Variants in LMBR1 observed in about 807,000 individuals in gnomAD.
LMBR1 encodes limb development membrane protein 1, also known as limb region 1 protein homolog.
Under a neutral mutation model 73.9 loss-of-function variants are expected in LMBR1, and 52 were observed. The ratio of observed to expected loss-of-function variants is 0.70; its 90% CI spans 0.56 to 0.89. The LOEUF is 0.89. Ranked by LOEUF, LMBR1 falls within the 40% of genes least tolerant of loss-of-function variation. The pLI, the probability that LMBR1 is intolerant of heterozygous loss-of-function variation, is 0.00. For synonymous variants in LMBR1, 215 were observed against 209.4 expected, an observed-to-expected ratio of 1.03 and a Z score of -0.23; for missense variants, 539 against 579.8, an observed-to-expected ratio of 0.93 and a Z score of 0.72.
At chr7:156,799,458 G>A (rs1268803385) in intron 4 of LMBR1, among the ~76,000 whole-genome samples, 1 of 152,140 alleles carries the variant, frequency 6.6e-6, no homozygotes, top group Non-Finnish European at 1.5e-5. Context: ...ATGTTACTAT[G>A]TTAATTGTTT....
intron 15 of LMBR1, among the ~76,000 whole-genome samples, chr7:156,720,861 G>T (rs947674765): frequency 6.6e-6 from 1 of 151,934 alleles, no homozygotes; most frequent in Non-Finnish European, 1.5e-5. Flanking sequence ...CTAAGCCTCT[G>T]TGAAAGCATT....
chr7:156,892,870 G>T, intron 1 of LMBR1, 58 bp downstream of exon 1: 2 of 1,318,032 alleles, frequency 1.5e-6, no homozygotes, highest in South Asian at 1.6e-5. Context: ...CCGGGGGCGG[G>T]GACGGAGGGC....
chr7:156,735,834 T>C (rs1192024729), intron 9 of LMBR1, among the ~76,000 whole-genome samples: 1 of 152,200 alleles, frequency 6.6e-6, no homozygotes, highest in Non-Finnish European at 1.5e-5. Context: ...TTTCTTTTTC[T>C]CTTATCCAGC....
At chr7:156,750,136 T>C (rs906036842) in intron 9 of LMBR1, among the ~76,000 whole-genome samples, 1 of 152,208 alleles carries the variant, frequency 6.6e-6, no homozygotes, top group Non-Finnish European at 1.5e-5. Flanking sequence ...CCGGAGGTTT[T>C]GAACTTAAAC....
At chr7:156,816,209 T>C (rs76889134) in intron 4 of LMBR1, among the ~76,000 whole-genome samples, 2,351 of 152,270 alleles carry the variant, frequency 0.015, 52 homozygotes, top group African/African-American at 0.053. Flanking sequence ...CTTCCTTTTT[T>C]CTTTTCTCTT....
chr7:156,840,556 C>T (rs1460552652), intron 1 of LMBR1, among the ~76,000 whole-genome samples: 1 of 152,062 alleles, frequency 6.6e-6, no homozygotes, highest in Non-Finnish European at 1.5e-5. Context: ...GACTCAGGTA[C>T]TGTGTGTCGG....
At chr7:156,786,411 A>T (rs1224123609) in intron 5 of LMBR1, among the ~76,000 whole-genome samples, 3 of 152,206 alleles carry the variant, frequency 2.0e-5, no homozygotes, top group African/African-American at 7.2e-5. Context: ...GGTAAGGGTA[A>T]CGTTATTGTA....
At chr7:156,783,745 C>A (rs1424958130) in intron 5 of LMBR1, among the ~76,000 whole-genome samples, 1 of 152,142 alleles carries the variant, frequency 6.6e-6, no homozygotes, top group East Asian at 1.9e-4. Context: ...TTCATTAGGA[C>A]TCATGTACAG....
chr7:156,785,417 G>A (rs942209921), intron 5 of LMBR1, among the ~76,000 whole-genome samples: 2 of 152,174 alleles, frequency 1.3e-5, no homozygotes, highest in African/African-American at 2.4e-5. Context: ...AAAACCATCA[G>A]TGTAATATGC....
intron 1 of LMBR1, among the ~76,000 whole-genome samples, chr7:156,842,666 G>C (rs1211429687): frequency 6.6e-6 from 1 of 152,144 alleles, no homozygotes. Flanking sequence ...TCCTATTCCA[G>C]AAGGAGTATG....
intron 1 of LMBR1, among the ~76,000 whole-genome samples, chr7:156,878,805 T>A (rs1487522862): frequency 6.6e-6 from 1 of 152,140 alleles, no homozygotes; most frequent in East Asian, 1.9e-4. Context: ...TTTCAAACTA[T>A]ACTATAAGGC....
rs111372921 is a variant in LMBR1, at chr7:156,828,774, C to T, written c.180-2030G>A. Among the ~76,000 whole-genome samples the T allele has an allele frequency of 9.5e-4, 144 of 152,356 alleles. 2 individuals carry two copies. The highest frequency in any genetic ancestry group is 3.4e-3 in the Middle Eastern group (1 of 294). ...ATTTATGAGTCTCTCATCTCCTGTT[C>T]TTAACCCCCATCATCAGTGATGTGG... On this transcript the variant is annotated intron_variant, in intron 3 of 16. Transcript: ENST00000353442.
chr7:156,728,665 C>G lies in LMBR1; in HGVS notation c.894G>C (p.Met298Ile), dbSNP rs374028046. The G allele has an allele frequency of 1.3e-6, 2 of 1,599,450 alleles. No homozygotes were observed. The highest frequency in any genetic ancestry group is 2.7e-5 in the African/African-American group (2 of 73,906). ...TTACTGTCTCAATAAGAAGGAGAAC[C>G]ATAACAGCGGGATACACCAAATTTC... ...WERNLVYPAV[M>I]VLLLIETSIS... The change falls in exon 11 of 17, where the codon ATG (methionine) becomes ATC (isoleucine). Residue 298 changes from methionine to isoleucine, a missense_variant. By Grantham distance (10) the Met-to-Ile change is conservative. Around this residue, in one of 3 missense-constraint regions of LMBR1, gnomAD observed 454 missense variants for 473.4 expected, o/e 0.96. Transcript: ENST00000353442.
At chr7:156,701,470 A>T (rs1449381361) in intron 15 of LMBR1, among the ~76,000 whole-genome samples, 1 of 152,242 alleles carries the variant, frequency 6.6e-6, no homozygotes, top group Non-Finnish European at 1.5e-5. Context: ...CATATATATA[A>T]AATTCTAGGA....
intron 5 of LMBR1, among the ~76,000 whole-genome samples, chr7:156,780,133 T>C (rs1185111198): frequency 6.6e-6 from 1 of 152,238 alleles, no homozygotes; most frequent in African/African-American, 2.4e-5. Context: ...TGAAAAGCTT[T>C]GTTAAGGTCT....
intron 1 of LMBR1, among the ~76,000 whole-genome samples, chr7:156,889,081 T>G (rs572515050): frequency 6.6e-6 from 1 of 151,984 alleles, no homozygotes; most frequent in Admixed American, 6.6e-5. Context: ...AAAAAGAAAT[T>G]TTGACACATG....
intron 5 of LMBR1, among the ~76,000 whole-genome samples, chr7:156,792,085 G>A (rs1563370338): frequency 6.6e-6 from 1 of 152,140 alleles, no homozygotes; most frequent in Non-Finnish European, 1.5e-5. Flanking sequence ...ACTGGCCAGA[G>A]GTTATACCTC....
chr7:156,845,898 T>C (rs1839499172), intron 1 of LMBR1, among the ~76,000 whole-genome samples: 1 of 150,698 alleles, frequency 6.6e-6, no homozygotes, highest in Non-Finnish European at 1.5e-5. Flanking sequence ...AAGAATGGTG[T>C]AAACCACAAT....
intron 9 of LMBR1, among the ~76,000 whole-genome samples, chr7:156,742,969 C>G (rs1425727715): frequency 6.6e-6 from 1 of 152,126 alleles, no homozygotes; most frequent in Non-Finnish European, 1.5e-5. Flanking sequence ...TGTGATACAT[C>G]ATATCAATGG....
Sources: allele counts gnomAD v4.1 joint callset (sites outside exome capture counted in the v4.1 genomes callset), GRCh38; gene constraint gnomAD v4.1.1; regional missense constraint gnomAD v4.1.1; transcripts MANE v1.5; gene names NCBI Gene and HGNC (gene_info 2026-07-23, HGNC 2026-07-21).